NEK5: variants seen among roughly 807,000 people sequenced by gnomAD.
NEK5 encodes serine/threonine-protein kinase Nek5.
NEK5 carries 88 observed loss-of-function variants against 109.2 expected under a neutral mutation model. That is an observed-to-expected ratio of 0.81 (90% CI 0.68 to 0.96). NEK5 has a LOEUF of 0.96. Among genes scored for constraint, NEK5 ranks in the 40% least tolerant of loss-of-function variants. The probability of loss-of-function intolerance (pLI) is 0.00; values close to 1 mark genes in which losing one functional copy is unlikely to be tolerated. For missense variants in NEK5, 834 were observed against 920.7 expected, an observed-to-expected ratio of 0.91 and a Z score of 1.22; for synonymous variants, 283 against 299.9, an observed-to-expected ratio of 0.94 and a Z score of 0.58.
intron 14 of NEK5, among the ~76,000 whole-genome samples, chr13:52,087,889 T>C (rs1297395310): frequency 6.6e-6 from 1 of 150,676 alleles, no homozygotes; most frequent in East Asian, 2.0e-4. Flanking sequence ...CCTCCCAAAG[T>C]GCTGGGATTA....
intron 4 of NEK5, among the ~76,000 whole-genome samples, chr13:52,117,662 C>A (rs1193675961): frequency 6.6e-6 from 1 of 152,204 alleles, no homozygotes; most frequent in African/African-American, 2.4e-5. Flanking sequence ...TTGTGTGCTA[C>A]ATGCCAAGGA....
intron 22 of NEK5, among the ~76,000 whole-genome samples, chr13:52,055,494 T>C (rs1437445182): frequency 6.6e-6 from 1 of 152,012 alleles, no homozygotes; most frequent in Non-Finnish European, 1.5e-5. Context: ...AGACACATAA[T>C]TGTCAGATTC....
intron 20 of NEK5, among the ~76,000 whole-genome samples, chr13:52,068,041 G>A (rs1000229644): frequency 6.6e-6 from 1 of 152,040 alleles, no homozygotes; most frequent in Middle Eastern, 3.4e-3. Flanking sequence ...ACAACCCCTA[G>A]CCAGTCAGCA....
At chr13:52,079,424 CG>C (rs1183786967) in intron 17 of NEK5, among the ~76,000 whole-genome samples, 1 of 152,114 alleles carries the variant, frequency 6.6e-6, no homozygotes, top group South Asian at 2.1e-4. Context: ...CTCAGCCTGC[CG>C]AGTGCCTGCG....
chr13:52,065,230 T>C (rs1954668030), intron 21 of NEK5: 2 of 542,790 alleles, frequency 3.7e-6, no homozygotes, highest in Admixed American at 5.9e-5. Flanking sequence ...GCATTTTCCC[T>C]CACTCTGAGG....
intron 17 of NEK5, among the ~76,000 whole-genome samples, chr13:52,080,232 C>A (rs1954969291): frequency 1.4e-5 from 2 of 140,170 alleles, no homozygotes; most frequent in South Asian, 4.7e-4. Flanking sequence ...GGTCAGCCCC[C>A]CGCCCGGCCA....
At chr13:52,099,717 A>G in intron 12 of NEK5, 26 bp downstream of exon 12, 1 of 1,606,208 alleles carries the variant, frequency 6.2e-7, no homozygotes, top group South Asian at 1.1e-5. Flanking sequence ...GCTAAAAAAC[A>G]CAAAGGAGGG....
intron 22 of NEK5, among the ~76,000 whole-genome samples, chr13:52,059,843 T>C (rs997579226): frequency 1.3e-5 from 2 of 151,942 alleles, no homozygotes; most frequent in East Asian, 1.9e-4. Flanking sequence ...TTGGGAGATA[T>C]ACCTAATGCT....
At position 52,065,622 on chromosome 13, in the gene NEK5, A is replaced by T; in HGVS notation, c.1850-13T>A. On this transcript the variant is annotated splice_polypyrimidine_tract_variant and intron_variant, in intron 20 of 23. Coordinates refer to ENST00000684899, the MANE Select transcript of NEK5 (RefSeq NM_001365552.1). ...TGCGTGGAAAACCCTGGGTGTAAGAAAACAACTCATTAATTCGAAAGCAGT... is the reference window on the plus strand; with the variant it reads ...TGCGTGGAAAACCCTGGGTGTAAGATAACAACTCATTAATTCGAAAGCAGT... 1 of 1,593,966 alleles carries T rather than the reference A, an allele frequency of 6.3e-7. No homozygotes were observed. The highest frequency in any genetic ancestry group is 8.6e-7 in the Non-Finnish European group (1 of 1,162,066).
At chr13:52,065,201 G>A in intron 21 of NEK5, 1 of 504,294 alleles carries the variant, frequency 2.0e-6, no homozygotes, top group Non-Finnish European at 3.5e-6. Context: ...GGTAAATCAA[G>A]TCAGCTGTCC....
chr13:52,075,931 A>G, intron 18 of NEK5, 105 bp from the exon 19 acceptor site: 3 of 914,800 alleles, frequency 3.3e-6, no homozygotes, highest in South Asian at 3.3e-5. Flanking sequence ...TCTTAAAACC[A>G]TTGGTCTCAT....
At chr13:52,083,140 G>A (rs1955048448) in intron 17 of NEK5, 120 bp downstream of exon 17, 13 of 639,330 alleles carry the variant, frequency 2.0e-5, no homozygotes, top group Admixed American at 2.5e-5. Flanking sequence ...GTGAGACTCC[G>A]TCTCATAGAA....
chr13:52,112,174 T>G, intron 5 of NEK5, 94 bp downstream of exon 5: 1 of 583,496 alleles, frequency 1.7e-6, no homozygotes, highest in Non-Finnish European at 3.0e-6. Context: ...ACACATGCTT[T>G]ATATCAACAT....
intron 16 of NEK5, 87 bp downstream of exon 16, chr13:52,086,190 A>T: frequency 3.4e-6 from 3 of 893,114 alleles, no homozygotes; most frequent in Non-Finnish European, 3.7e-6. Flanking sequence ...TATCTTTTCT[A>T]TAAGGAAATC....
At chr13:52,063,252 T>C (rs1229538860) in intron 21 of NEK5, among the ~76,000 whole-genome samples, 2 of 152,238 alleles carry the variant, frequency 1.3e-5, no homozygotes, top group African/African-American at 2.4e-5. Flanking sequence ...TTCGTACTTT[T>C]TTGGTGGAGA....
intron 20 of NEK5, among the ~76,000 whole-genome samples, chr13:52,070,717 A>G (rs1954770111): frequency 6.6e-6 from 1 of 152,224 alleles, no homozygotes; most frequent in Non-Finnish European, 1.5e-5. Context: ...CAGCAGCAAG[A>G]AAATGGACTA....
At chr13:52,122,442 C>A (rs1275748284) in intron 3 of NEK5, among the ~76,000 whole-genome samples, 1 of 152,152 alleles carries the variant, frequency 6.6e-6, no homozygotes, top group Non-Finnish European at 1.5e-5. Context: ...GAAATATTCA[C>A]AATATATTGC....
At chr13:52,112,965 T>C (rs940878283) in intron 4 of NEK5, among the ~76,000 whole-genome samples, 1 of 152,212 alleles carries the variant, frequency 6.6e-6, no homozygotes, top group Non-Finnish European at 1.5e-5. Flanking sequence ...TTGAACTGAA[T>C]CTTACCAAGA....
At chr13:52,039,885 T>G (rs898249290) in intron 23 of NEK5, among the ~76,000 whole-genome samples, 2 of 152,046 alleles carry the variant, frequency 1.3e-5, no homozygotes, top group African/African-American at 4.8e-5. Context: ...TAATCCTCAA[T>G]GTGATAGTAT....
Sources: allele counts gnomAD v4.1 joint callset (sites outside exome capture counted in the v4.1 genomes callset), GRCh38; gene constraint gnomAD v4.1.1; transcripts MANE v1.5; gene names NCBI Gene and HGNC (gene_info 2026-07-23, HGNC 2026-07-21).